GPC6: variants seen among roughly 807,000 people sequenced by gnomAD.
GPC6 encodes the protein glypican-6.
In GPC6, 14 loss-of-function variants were observed where a neutral mutation model predicts 55.2. The ratio of observed to expected loss-of-function variants is 0.25; its 90% CI spans 0.17 to 0.40. The LOEUF (loss-of-function observed/expected upper bound fraction) is 0.40, where lower values mean the gene tolerates loss of function less well. Ranked by LOEUF, GPC6 falls within the 10% of genes least tolerant of loss-of-function variation. The pLI, the probability that GPC6 is intolerant of heterozygous loss-of-function variation, is 1.00. For missense variants in GPC6, 641 were observed against 708.5 expected (o/e 0.90, Z 1.08); for synonymous variants, 278 against 259.6 (o/e 1.07, Z -0.68).
intron 1 of GPC6, among the ~76,000 whole-genome samples, chr13:93,334,073 A>G (rs1879956548): frequency 6.6e-6 from 1 of 152,170 alleles, no homozygotes; most frequent in African/African-American, 2.4e-5. Context: ...TATGAAGTCA[A>G]GATCCATTTT....
At chr13:93,579,999 T>C (rs1385655707) in intron 2 of GPC6, among the ~76,000 whole-genome samples, 1 of 152,340 alleles carries the variant, frequency 6.6e-6, no homozygotes, top group South Asian at 2.1e-4. Context: ...TGTACTCTGC[T>C]TATTTCTCAT....
intron 3 of GPC6, among the ~76,000 whole-genome samples, chr13:93,996,436 T>G (rs1594652377): frequency 6.6e-6 from 1 of 152,206 alleles, no homozygotes; most frequent in Non-Finnish European, 1.5e-5. Flanking sequence ...TTTCGAGTGA[T>G]GTAATGGCCT....
At chr13:93,665,218 C>A (rs1881084174) in intron 2 of GPC6, among the ~76,000 whole-genome samples, 1 of 152,086 alleles carries the variant, frequency 6.6e-6, no homozygotes, top group Admixed American at 6.5e-5. Flanking sequence ...TTACCAATGG[C>A]AAAAATAGTA....
At chr13:94,364,352 C>T (rs1214825052) in intron 6 of GPC6, among the ~76,000 whole-genome samples, 1 of 152,152 alleles carries the variant, frequency 6.6e-6, no homozygotes, top group Non-Finnish European at 1.5e-5. Context: ...GTTGGTGCCC[C>T]ATGGGGTAAA....
rs201699350 is a variant in GPC6, at chr13:94,286,528, G to A, written c.1008+49G>A. 6.5e-6 allele frequency: 10 copies of A among 1,531,238 alleles called. No individual in the cohort carries two copies. The South Asian group carries it at 6.7e-5, about 10-fold the overall frequency. 94.9% of individuals were successfully genotyped at this position (1,531,238 alleles called of 1,614,324 possible). A position where few individuals can be genotyped will look rare whatever the true frequency, so the allele number is the denominator to read the frequency against. ...GCCAATACATGTATGTTATACAGGT[G>A]CAATAACCTAAAAACGAAGTAACTA... On this transcript the variant is annotated intron_variant, in intron 5 of 8. Transcript: ENST00000377047.
rs1008786328 is a variant in GPC6, at chr13:93,228,834, C to T, written c.160+1218C>T. 2.0e-5 allele frequency among the ~76,000 whole-genome samples: 3 copies of T among 152,260 alleles called. No individual in the cohort carries two copies. In the East Asian group the frequency reaches 5.8e-4, roughly 29 times the overall value. On this transcript the variant is annotated intron_variant, in intron 1 of 8. Coordinates refer to ENST00000377047, the MANE Select transcript of GPC6 (RefSeq NM_005708.5). ...TGGATGAAAAGCATTTTGCAGATAT[C>T]TTAGAACATCACAGTTTCGATACGT...
intron 2 of GPC6, among the ~76,000 whole-genome samples, chr13:93,599,585 A>G (rs950552576): frequency 6.6e-6 from 1 of 152,176 alleles, no homozygotes; most frequent in Non-Finnish European, 1.5e-5. Context: ...GTAGGTTATA[A>G]TGGCAGCTTG....
intron 2 of GPC6, among the ~76,000 whole-genome samples, chr13:93,759,727 T>A (rs909405928): frequency 6.6e-6 from 1 of 152,152 alleles, no homozygotes; most frequent in African/African-American, 2.4e-5. Flanking sequence ...AAAACTATAG[T>A]AATATCTTAA....
At chr13:93,933,538 A>G (rs943652287) in intron 3 of GPC6, among the ~76,000 whole-genome samples, 1 of 150,980 alleles carries the variant, frequency 6.6e-6, no homozygotes, top group African/African-American at 2.4e-5. Flanking sequence ...TTTTTTTTCC[A>G]TCTGGAAATA....
rs923144715 is a variant in GPC6, at chr13:93,545,402, C to T, written c.300C>T (p.Ser100=). 1 of 1,613,778 alleles carries T rather than the reference C, an allele frequency of 6.2e-7. No individual in the cohort carries two copies. The highest frequency in any genetic ancestry group is 1.7e-5 in the Admixed American group (1 of 59,992). ...TSHFVRTTFV[S]RHKKFDEFFR... ...ATTTTGTGCGCACCACTTTTGTGTCCAGGCATAAGAAATTTGACGGTAGGT... is the reference window on the plus strand; with the variant it reads ...ATTTTGTGCGCACCACTTTTGTGTCTAGGCATAAGAAATTTGACGGTAGGT... The change falls in exon 2 of 9, where the codon TCC becomes TCT. Residue 100 remains serine, a synonymous_variant. Transcript: ENST00000377047.
At chr13:94,109,024 T>C (rs1352405169) in intron 4 of GPC6, among the ~76,000 whole-genome samples, 3 of 152,162 alleles carry the variant, frequency 2.0e-5, no homozygotes, top group Admixed American at 1.3e-4. Flanking sequence ...AGATCACCTT[T>C]ATTATGTTTC....
At chr13:93,413,660 A>G (rs886984274) in intron 1 of GPC6, among the ~76,000 whole-genome samples, 1 of 151,594 alleles carries the variant, frequency 6.6e-6, no homozygotes, top group African/African-American at 2.4e-5. Context: ...GAGAAATGCT[A>G]TGATCCTGAT....
chr13:94,298,893 G>T (rs1473942415), intron 5 of GPC6, among the ~76,000 whole-genome samples: 1 of 152,186 alleles, frequency 6.6e-6, no homozygotes, highest in African/African-American at 2.4e-5. Context: ...GCACAGTGAA[G>T]TGTCTGTCCT....
intron 3 of GPC6, among the ~76,000 whole-genome samples, chr13:93,903,525 T>C (rs1204071519): frequency 2.0e-5 from 3 of 152,234 alleles, no homozygotes; most frequent in Non-Finnish European, 4.4e-5. Flanking sequence ...GCATTTTTTT[T>C]CCATATCTTT....
chr13:93,690,534 G>C (rs957858956), intron 2 of GPC6, among the ~76,000 whole-genome samples: 2 of 150,332 alleles, frequency 1.3e-5, no homozygotes, highest in African/African-American at 4.9e-5. Flanking sequence ...TTTTTTTAAT[G>C]TTTGCCATGC....
chr13:93,808,821 C>G (rs926987977), intron 2 of GPC6, among the ~76,000 whole-genome samples: 1 of 152,138 alleles, frequency 6.6e-6, no homozygotes, highest in African/African-American at 2.4e-5. Flanking sequence ...TTATTTTAAG[C>G]TTCCTGTTTG....
intron 6 of GPC6, among the ~76,000 whole-genome samples, chr13:94,375,170 A>G (rs1879780528): frequency 6.6e-6 from 1 of 151,588 alleles, no homozygotes; most frequent in Non-Finnish European, 1.5e-5. Flanking sequence ...GCAAGAGCAA[A>G]CACATTCAAA....
chr13:94,043,080 C>G (rs986233914), intron 4 of GPC6, among the ~76,000 whole-genome samples: 2 of 151,724 alleles, frequency 1.3e-5, no homozygotes, highest in African/African-American at 4.8e-5. Context: ...CTGACATGGT[C>G]CCCATCATTT....
At chr13:93,791,879 A>G (rs536490270) in intron 2 of GPC6, among the ~76,000 whole-genome samples, 3 of 152,258 alleles carry the variant, frequency 2.0e-5, no homozygotes, top group African/African-American at 7.2e-5. Context: ...TGAATCTGTT[A>G]GCATCGCTGT....
Sources: gnomAD v4.1 joint callset for allele counts (sites outside exome capture counted in the v4.1 genomes callset) on GRCh38, gnomAD v4.1.1 for gene constraint, MANE v1.5 for transcripts, NCBI Gene and HGNC (gene_info 2026-07-23, HGNC 2026-07-21) for gene names.